PHF14: variants seen among roughly 807,000 people sequenced by gnomAD.
PHF14 encodes PHD finger protein 14.
A neutral mutation model predicts 117.9 loss-of-function variants in PHF14; 55 were observed. The ratio of observed to expected loss-of-function variants is 0.47; its 90% CI spans 0.38 to 0.58. PHF14 has a LOEUF of 0.58. PHF14 is among the 20% of genes least tolerant of loss of function. The probability of loss-of-function intolerance (pLI) is 0.00; values close to 1 mark genes in which losing one functional copy is unlikely to be tolerated. For missense variants in PHF14, 978 were observed against 1,122.2 expected, an observed-to-expected ratio of 0.87 and a Z score of 1.84; for synonymous variants, 409 against 368.6, an observed-to-expected ratio of 1.11 and a Z score of -1.26.
intron 11 of PHF14, among the ~76,000 whole-genome samples, chr7:11,040,110 G>T (rs1784451125): frequency 6.6e-6 from 1 of 151,994 alleles, no homozygotes; most frequent in South Asian, 2.1e-4. Context: ...CATTTATACT[G>T]CTTGCATGAC....
chr7:11,026,021 A>G (rs941881700), intron 6 of PHF14, among the ~76,000 whole-genome samples: 4 of 151,382 alleles, frequency 2.6e-5, no homozygotes, highest in Admixed American at 6.6e-5. Context: ...CTGAGGCAGG[A>G]GAATCACTTG....
chr7:10,995,061 C>G (rs4554366), intron 4 of PHF14, among the ~76,000 whole-genome samples: 2,973 of 152,250 alleles, frequency 0.02, 41 homozygotes, highest in Middle Eastern at 0.044. Flanking sequence ...GAGATAGACA[C>G]AAAAGTTCTC....
rs1240390927 is a variant in PHF14 at position 10,974,071 on chromosome 7, G to A, written c.-253G>A. The A allele has an allele frequency of 4.7e-5, 22 of 469,916 alleles. No individual in the cohort carries two copies. Among genetic ancestry groups the A allele is most frequent in the Non-Finnish European group, 8.5e-5 (22 of 259,586 alleles). The allele number at this position is 469,916 out of a possible 1,614,324, so 29.1% of individuals were successfully genotyped here. On this transcript the variant is annotated 5_prime_UTR_variant, in exon 1 of 18. Transcript: ENST00000634607. ...CCGGGTTGACTGCGCTGCCTGGGCC[G>A]GAGGTCTTCTCCGGCCAGGGAGCGC...
At chr7:11,010,764 C>T (rs760932413) in intron 4 of PHF14, among the ~76,000 whole-genome samples, 1 of 152,178 alleles carries the variant, frequency 6.6e-6, no homozygotes, top group African/African-American at 2.4e-5. Context: ...GATTCTCCCA[C>T]CTCAGCCTTT....
chr7:11,065,741 C>T (rs551915794), intron 16 of PHF14, among the ~76,000 whole-genome samples: 12 of 152,186 alleles, frequency 7.9e-5, no homozygotes, highest in South Asian at 6.2e-4. Context: ...CAGTCTTTAT[C>T]GAACTATCAA....
intron 16 of PHF14, among the ~76,000 whole-genome samples, chr7:11,084,007 G>A (rs1013446034): frequency 6.6e-6 from 1 of 152,148 alleles, no homozygotes; most frequent in African/African-American, 2.4e-5. Context: ...ACAATTTGTG[G>A]TTGTTTTTAT....
intron 17 of PHF14, among the ~76,000 whole-genome samples, chr7:11,135,689 A>G (rs766441109): frequency 6.6e-6 from 1 of 152,114 alleles, no homozygotes; most frequent in Admixed American, 6.6e-5. Context: ...CTTTCAATTC[A>G]TTGCCGTGGT....
intron 2 of PHF14, among the ~76,000 whole-genome samples, chr7:10,980,821 C>T (rs890384561): frequency 3.9e-5 from 6 of 152,138 alleles, no homozygotes; most frequent in African/African-American, 1.4e-4. Flanking sequence ...TCCATGTTAC[C>T]CTTGAAAATC....
chr7:11,160,257 A>G (rs1331557846), intron 17 of PHF14, among the ~76,000 whole-genome samples: 2 of 152,192 alleles, frequency 1.3e-5, no homozygotes, highest in Non-Finnish European at 2.9e-5. Context: ...TAAGGGTTGC[A>G]TAGTATTTCA....
At chr7:10,992,366 T>A (rs1277646845) in intron 4 of PHF14, among the ~76,000 whole-genome samples, 2 of 150,888 alleles carry the variant, frequency 1.3e-5, no homozygotes, top group African/African-American at 2.4e-5. Flanking sequence ...CAGTATGTAT[T>A]TGTTAAGAGC....
At chr7:11,110,848 G>C (rs528180589) in intron 16 of PHF14, 1 of 151,984 alleles carries the variant, frequency 6.6e-6, no homozygotes, top group East Asian at 1.9e-4. Flanking sequence ...AGAGAAATCG[G>C]GTCCAAATTG....
chr7:11,090,946 C>A (rs139453670), intron 16 of PHF14, among the ~76,000 whole-genome samples: 1 of 152,208 alleles, frequency 6.6e-6, no homozygotes, highest in Non-Finnish European at 1.5e-5. Context: ...CAAATAAAGA[C>A]AAAGTGGGAC....
At chr7:11,001,027 T>C (rs1203549989) in intron 4 of PHF14, among the ~76,000 whole-genome samples, 1 of 152,042 alleles carries the variant, frequency 6.6e-6, no homozygotes, top group Admixed American at 6.5e-5. Flanking sequence ...TTTAAAAATT[T>C]TTATAAATTT....
intron 17 of PHF14, among the ~76,000 whole-genome samples, chr7:11,120,362 C>T (rs1208579657): frequency 6.6e-6 from 1 of 151,928 alleles, no homozygotes; most frequent in Non-Finnish European, 1.5e-5. Flanking sequence ...GAGAAAAGTT[C>T]AAAATTAGTG....
chr7:11,125,363 G>A (rs1228201899), intron 17 of PHF14, among the ~76,000 whole-genome samples: 1 of 152,076 alleles, frequency 6.6e-6, no homozygotes, highest in African/African-American at 2.4e-5. Context: ...TATACTTTGT[G>A]TACACTGGCA....
At chr7:11,076,610 C>T (rs539973644) in intron 16 of PHF14, among the ~76,000 whole-genome samples, 32 of 148,962 alleles carry the variant, frequency 2.1e-4, no homozygotes, top group African/African-American at 7.9e-4. Context: ...CTGTGTAGCC[C>T]AGGCTGGAGT....
At chr7:11,120,532 C>T (rs1456267844) in intron 17 of PHF14, among the ~76,000 whole-genome samples, 5 of 151,948 alleles carry the variant, frequency 3.3e-5, no homozygotes, top group Non-Finnish European at 7.4e-5. Flanking sequence ...CTTTTTCATG[C>T]AGAAAAATGT....
chr7:10,998,625 TC>T (rs1300139363), intron 4 of PHF14, among the ~76,000 whole-genome samples: 2 of 152,168 alleles, frequency 1.3e-5, no homozygotes, highest in Non-Finnish European at 2.9e-5. Context: ...CAGGTGTGGT[TC>T]AGATTCCTGG....
intron 16 of PHF14, among the ~76,000 whole-genome samples, chr7:11,085,126 T>C (rs749237498): frequency 1.1e-4 from 17 of 152,194 alleles, no homozygotes; most frequent in Non-Finnish European, 2.2e-4. Context: ...ACAACAGATA[T>C]ATATTATTTA....
Sources: allele counts gnomAD v4.1 joint callset (sites outside exome capture counted in the v4.1 genomes callset), GRCh38; gene constraint gnomAD v4.1.1; transcripts MANE v1.5; gene names NCBI Gene and HGNC (gene_info 2026-07-23, HGNC 2026-07-21).